The following TBC1D8B variants were observed in gnomAD, a reference collection of about 807,000 sequenced individuals.
TBC1D8B encodes the protein RP11-321G1.1.
A neutral mutation model predicts 82.9 loss-of-function variants in TBC1D8B; 75 were observed. That is an observed-to-expected ratio of 0.90 (90% CI 0.75 to 1.10). TBC1D8B has a LOEUF of 1.10. TBC1D8B is among the 50% of genes least tolerant of loss of function. TBC1D8B has a pLI of 0.00. For synonymous variants in TBC1D8B, 276 were observed against 276.8 expected (o/e 1.00, Z 0.03); for missense variants, 794 against 796.9 (o/e 1.00, Z 0.04).
chrX:106,871,597 G>A (rs949161695), intron 20 of TBC1D8B, among the ~76,000 whole-genome samples: 1 of 111,423 alleles, frequency 9.0e-6, no homozygotes, highest in African/African-American at 3.3e-5. Context: ...CCAGCTGAGT[G>A]TCCTCCAATT....
At chrX:106,841,077 C>T (rs1033573083) in intron 10 of TBC1D8B, among the ~76,000 whole-genome samples, 193 bp downstream of exon 10, 19 of 111,666 alleles carry the variant, frequency 1.7e-4, no homozygotes, top group African/African-American at 6.2e-4. Context: ...TTCTTTTTCA[C>T]TTAACAAATG....
intron 1 of TBC1D8B, among the ~76,000 whole-genome samples, chrX:106,805,464 C>G (rs1931159597): frequency 9.0e-6 from 1 of 110,622 alleles, no homozygotes; most frequent in Non-Finnish European, 1.9e-5. Flanking sequence ...TTTACTAGTC[C>G]CCATAGTCTA....
intron 14 of TBC1D8B, among the ~76,000 whole-genome samples, chrX:106,858,422 G>A (rs919180341): frequency 3.6e-5 from 4 of 111,647 alleles, no homozygotes; most frequent in Admixed American, 9.5e-5. Flanking sequence ...ACAGGCATCC[G>A]CCACCATGCC....
At chrX:106,839,907 C>T (rs770004825) in intron 8 of TBC1D8B, 141 bp from the exon 9 acceptor site, 13 of 538,589 alleles carry the variant, frequency 2.4e-5, no homozygotes, top group Non-Finnish European at 3.8e-5. Context: ...CAGTGTTTCA[C>T]CCCTGGGTGA....
intron 7 of TBC1D8B, among the ~76,000 whole-genome samples, chrX:106,833,797 A>C (rs1245758402): frequency 9.0e-6 from 1 of 111,115 alleles, no homozygotes; most frequent in Non-Finnish European, 1.9e-5. Flanking sequence ...GTTTAGAACA[A>C]TAGATAAACT....
At chrX:106,833,861 C>T (rs939099103) in intron 7 of TBC1D8B, among the ~76,000 whole-genome samples, 3 of 111,051 alleles carry the variant, frequency 2.7e-5, no homozygotes, top group African/African-American at 9.8e-5. Context: ...ATCCAGACTA[C>T]AACCATGAAT....
chrX:106,811,978 T>A (rs1287710442), intron 1 of TBC1D8B, among the ~76,000 whole-genome samples: 1 of 111,721 alleles, frequency 9.0e-6, no homozygotes, highest in Non-Finnish European at 1.9e-5. Flanking sequence ...AAGATTTCAG[T>A]TAGGGAAGGA....
chrX:106,810,954 A>G (rs1463852414), intron 1 of TBC1D8B, among the ~76,000 whole-genome samples: 1 of 112,060 alleles, frequency 8.9e-6, no homozygotes, highest in Non-Finnish European at 1.9e-5. Flanking sequence ...CCTAAGTAGA[A>G]AACTAATATT....
chrX:106,864,145 C>T (rs1479161449), intron 14 of TBC1D8B, among the ~76,000 whole-genome samples: 5 of 111,337 alleles, frequency 4.5e-5, no homozygotes, highest in Admixed American at 9.5e-5. Flanking sequence ...CTCTGCAAAC[C>T]GTCTGGGTGG....
In TBC1D8B at chrX:106,866,162, C is replaced by T. The variant is rs903760958; in HGVS notation, c.2662+129C>T. On this transcript the variant is annotated intron_variant, in intron 16 of 20. Coordinates refer to ENST00000357242, the MANE Select transcript of TBC1D8B (RefSeq NM_017752.3). ...TGTTTAGCTTTAGTAATAAATGGAC[C>T]CTTTTCTGCATTTGTTGCTAAATCT... 3 of 642,936 alleles carry T rather than the reference C, an allele frequency of 4.7e-6. No individual in the cohort carries two copies. The African/African-American group carries it at 6.9e-5, about 15-fold the overall frequency. The allele number at this position is 642,936 out of a possible 1,213,427, so 53.0% of individuals were successfully genotyped here. A position where few individuals can be genotyped will look rare whatever the true frequency, so the allele number is the denominator to read the frequency against.
Position 106,874,506 on chromosome X carries a change from T to A in TBC1D8B, c.*541T>A. 1 of 111,811 alleles carries A rather than the reference T, an allele frequency of 8.9e-6. No individual in the cohort carries two copies. Among genetic ancestry groups the A allele is most frequent in the Non-Finnish European group, 1.9e-5 (1 of 53,207 alleles). The allele number at this position is 111,811 out of a possible 1,213,427, so 9.2% of individuals were successfully genotyped here. Reference sequence around the variant, plus strand: ...CTAACTGAAATATTATTAATTTTTTTAAGTTAATCTCATTCAGTCTTCTAG... The same window carrying A: ...CTAACTGAAATATTATTAATTTTTTAAAGTTAATCTCATTCAGTCTTCTAG... On this transcript the variant is annotated 3_prime_UTR_variant, in exon 21 of 21. Coordinates refer to ENST00000357242, the MANE Select transcript of TBC1D8B (RefSeq NM_017752.3).
chrX:106,871,942 C>T (rs1383575342), intron 20 of TBC1D8B, among the ~76,000 whole-genome samples: 1 of 111,342 alleles, frequency 9.0e-6, no homozygotes. Flanking sequence ...AGTTGGGGTG[C>T]ACCACCCTCC....
rs190851575 is a variant in TBC1D8B at position 106,822,557 on chromosome X, C to G, written c.586+355C>G. 2.0e-4 allele frequency among the ~76,000 whole-genome samples: 22 copies of G among 110,850 alleles called. 1 individual carries two copies. The highest frequency in any genetic ancestry group is 1.3e-3 in the Admixed American group (13 of 10,337). On this transcript the variant is annotated intron_variant, in intron 4 of 20. Transcript: ENST00000357242. Reference sequence around the variant, plus strand: ...ATATAGTGGCCATAGTACCTAATGGCCCACATCTCACTTTGTAGCTACAAA... The same window carrying G: ...ATATAGTGGCCATAGTACCTAATGGGCCACATCTCACTTTGTAGCTACAAA...
intron 1 of TBC1D8B, among the ~76,000 whole-genome samples, chrX:106,811,601 T>C (rs1395156248): frequency 8.9e-6 from 1 of 112,118 alleles, no homozygotes. Flanking sequence ...TCTCTTGTTT[T>C]AAACTAACCA....
At chrX:106,856,860 A>G (rs1006236292) in intron 14 of TBC1D8B, among the ~76,000 whole-genome samples, 3 of 111,500 alleles carry the variant, frequency 2.7e-5, no homozygotes, top group Non-Finnish European at 5.7e-5. Context: ...TGCTGCTAAT[A>G]TGAATGAGAT....
At position 106,833,930 on chromosome X, in the gene TBC1D8B, A is replaced by G. The variant is rs141780741; in HGVS notation, c.1204-5378A>G. ...CGTTCAAACAGCTAAACTTAATATT[A>G]AGTTGTCAAGTATGTGATTTGTCAA... On this transcript the variant is annotated intron_variant, in intron 7 of 20. Coordinates refer to ENST00000357242, the MANE Select transcript of TBC1D8B (RefSeq NM_017752.3). Among the ~76,000 whole-genome samples, 701 of 110,037 alleles carry G rather than the reference A, an allele frequency of 6.4e-3. 6 individuals carry two copies. Among genetic ancestry groups the G allele is most frequent in the African/African-American group, 0.023 (682 of 29,652 alleles).
intron 17 of TBC1D8B, among the ~76,000 whole-genome samples, chrX:106,867,330 AT>A (rs1301716259): frequency 1.8e-5 from 2 of 112,216 alleles, no homozygotes; most frequent in Non-Finnish European, 3.8e-5. Flanking sequence ...CTGTCAAGAC[AT>A]TAACTTTACA....
In TBC1D8B at chrX:106,843,159, A is replaced by G. The variant is rs756848493; in HGVS notation, c.1719+2275A>G. Reference sequence around the variant, plus strand: ...ATAATGCTGCTATGAATATTCATGTACAAGTTTTTTATGGACATTGCTTTA... The same window carrying G: ...ATAATGCTGCTATGAATATTCATGTGCAAGTTTTTTATGGACATTGCTTTA... On this transcript the variant is annotated intron_variant, in intron 10 of 20. Transcript: ENST00000357242. Among the ~76,000 whole-genome samples, 9 of 111,257 alleles carry G rather than the reference A, an allele frequency of 8.1e-5. No homozygotes were observed. The Admixed American group carries it at 8.6e-4, about 11-fold the overall frequency.
intron 14 of TBC1D8B, among the ~76,000 whole-genome samples, chrX:106,855,952 C>G (rs977959182): frequency 8.1e-5 from 9 of 111,638 alleles, no homozygotes; most frequent in Admixed American, 6.7e-4. Flanking sequence ...GGGAGGATCA[C>G]CTTGAGCCTG....
Sources: allele counts gnomAD v4.1 joint callset (sites outside exome capture counted in the v4.1 genomes callset), GRCh38; gene constraint gnomAD v4.1.1; transcripts MANE v1.5; gene names NCBI Gene and HGNC (gene_info 2026-07-23, HGNC 2026-07-21).